The following KCNQ1 variants were observed in gnomAD, a reference collection of about 807,000 sequenced individuals.
KCNQ1 encodes the protein potassium voltage-gated channel subfamily KQT member 1.
Under a neutral mutation model 72.4 loss-of-function variants are expected in KCNQ1, and 49 were observed. That is an observed-to-expected ratio of 0.68 (90% CI 0.54 to 0.86). The LOEUF is 0.86. Among genes scored for constraint, KCNQ1 ranks in the 40% least tolerant of loss-of-function variants. KCNQ1 has a pLI of 0.00. For synonymous variants in KCNQ1, 450 were observed against 412.6 expected (o/e 1.09, Z -1.10); for missense variants, 790 against 945.1 (o/e 0.84, Z 2.15).
chr11:2,728,452 T>C (rs1845801755), intron 11 of KCNQ1, among the ~76,000 whole-genome samples: 1 of 152,258 alleles, frequency 6.6e-6, no homozygotes, highest in Admixed American at 6.5e-5. Flanking sequence ...GGGTTGGTGC[T>C]TGGTGACAAG....
rs986521862 is a variant in KCNQ1 at position 2,451,627 on chromosome 11, G to A, written c.386+6143G>A. On this transcript the variant is annotated intron_variant, in intron 1 of 15. Coordinates refer to ENST00000155840, the MANE Select transcript of KCNQ1 (RefSeq NM_000218.3). This position sits in a 1 kb window ranked among gnomAD's most constrained non-coding sequence, Gnocchi z 6.4. The stretch of plus-strand genomic sequence containing the variant: ...CGGCACCGGACTCTCAGGATGAGCC[G>A]CCTGGAGTCTGTTGGCATCTGCCTG... 1.3e-5 allele frequency among the ~76,000 whole-genome samples: 2 copies of A among 152,158 alleles called. No individual in the cohort carries two copies. Among genetic ancestry groups the A allele is most frequent in the East Asian group, 1.9e-4 (1 of 5,188 alleles).
chr11:2,572,090 T>C lies in KCNQ1; in HGVS notation c.761T>C (p.Val254Ala). ...GGCACCTGGAGGCTCCTGGGCTCCG[T>C]GGTCTTCATCCACCGCCAGGTGGGT... ...QGGTWRLLGS[V>A]VFIHRQELIT... The change falls in exon 5 of 16, where the codon GTG (valine) becomes GCG (alanine). Residue 254 changes from valine to alanine, a missense_variant. Transcript: ENST00000155840. The C allele has an allele frequency of 6.2e-7, 1 of 1,612,476 alleles. No homozygotes were observed. Among genetic ancestry groups the C allele is most frequent in the South Asian group, 1.1e-5 (1 of 91,062 alleles).
At chr11:2,800,798 G>T (rs777451672) in intron 15 of KCNQ1, among the ~76,000 whole-genome samples, 4 of 152,232 alleles carry the variant, frequency 2.6e-5, no homozygotes, top group Admixed American at 2.6e-4. Context: ...AGCAGGTGCT[G>T]TCCACTCAGT....
At chr11:2,532,709 G>A (rs567547975) in intron 2 of KCNQ1, among the ~76,000 whole-genome samples, 41 of 152,298 alleles carry the variant, frequency 2.7e-4, no homozygotes, top group African/African-American at 9.9e-4. Flanking sequence ...ACCCCTCCCA[G>A]GGCTCACAGC....
intron 11 of KCNQ1, chr11:2,685,865 T>G: frequency 2.5e-6 from 1 of 398,748 alleles, no homozygotes; most frequent in Non-Finnish European, 4.4e-6. Context: ...CACCCAGGAC[T>G]CAGACCACAA....
chr11:2,585,369 C>A, intron 8 of KCNQ1, 62 bp downstream of exon 8: 1 of 1,424,300 alleles, frequency 7.0e-7, no homozygotes, highest in Non-Finnish European at 9.9e-7. Context: ...TGCATCCAGC[C>A]CTCACGGCCA....
At chr11:2,675,161 C>T (rs1850270122) in intron 11 of KCNQ1, 1 of 398,606 alleles carries the variant, frequency 2.5e-6, no homozygotes, top group Non-Finnish European at 4.4e-6. Flanking sequence ...AGAGGTAGTG[C>T]TCTAGCGGGG....
Position 2,478,633 on chromosome 11 carries a change from C to T in KCNQ1, c.386+33149C>T, listed in dbSNP as rs552758512. On this transcript the variant is annotated intron_variant, in intron 1 of 15. Transcript: ENST00000155840. This position sits in a 1 kb window ranked among gnomAD's most constrained non-coding sequence, Gnocchi z 4.0. ...CTCCCACGAGGTCCCTCCCATGACA[C>T]GTGGGAATTATGGGAGCTACAATTC... Among the ~76,000 whole-genome samples the T allele has an allele frequency of 2.5e-4, 38 of 152,256 alleles. No homozygotes were observed. Among genetic ancestry groups the T allele is most frequent in the South Asian group, 2.1e-3 (10 of 4,824 alleles).
chr11:2,719,480 AAAACAAAC>A (rs575635118), intron 11 of KCNQ1, among the ~76,000 whole-genome samples: 3 of 151,880 alleles, frequency 2.0e-5, no homozygotes, highest in East Asian at 1.9e-4. Context: ...CAGGCACTCA[AAAACAAAC>A]AAACAAACAA....
intron 10 of KCNQ1, chr11:2,644,881 A>T (rs564092782): frequency 2.5e-6 from 1 of 398,830 alleles, no homozygotes; most frequent in South Asian, 1.3e-4. Flanking sequence ...AGGCTGTGGT[A>T]AAGTCTGGCT....
rs1383626046 is a variant in KCNQ1, at chr11:2,493,919, A to C, written c.387-34009A>C. Reference sequence around the variant, plus strand: ...GATAGCTTGATGGGAATAGCATTGAATCTATAAATTACTTTGGGCAGTATG... The same window carrying C: ...GATAGCTTGATGGGAATAGCATTGACTCTATAAATTACTTTGGGCAGTATG... On this transcript the variant is annotated intron_variant, in intron 1 of 15. Coordinates refer to ENST00000155840, the MANE Select transcript of KCNQ1 (RefSeq NM_000218.3). The surrounding 1 kb of genome is among the most constrained non-coding windows in gnomAD (Gnocchi z 5.3). Among the ~76,000 whole-genome samples, 1 of 152,206 alleles carries C rather than the reference A, an allele frequency of 6.6e-6. No individual in the cohort carries two copies. The highest frequency in any genetic ancestry group is 1.5e-5 in the Non-Finnish European group (1 of 68,038).
intron 11 of KCNQ1, among the ~76,000 whole-genome samples, chr11:2,700,862 C>G (rs1038658950): frequency 6.6e-6 from 1 of 152,130 alleles, no homozygotes; most frequent in South Asian, 2.1e-4. Context: ...CGCGCGCCTT[C>G]TGAATGCCAA....
chr11:2,536,813 T>G lies in KCNQ1; in HGVS notation c.477+8795T>G, dbSNP rs539630536. 5.3e-5 allele frequency among the ~76,000 whole-genome samples: 8 copies of G among 152,042 alleles called. No homozygotes were observed. The highest frequency in any genetic ancestry group is 1.9e-4 in the African/African-American group (8 of 41,384). On this transcript the variant is annotated intron_variant, in intron 2 of 15. Transcript: ENST00000155840. The surrounding 1 kb of genome is among the most constrained non-coding windows in gnomAD (Gnocchi z 7.4). ...ACCGTGGAGGTCGCCCTCTCACAGC[T>G]CTGGACGATGGAGGGCCGAGACCCA...
intron 1 of KCNQ1, among the ~76,000 whole-genome samples, chr11:2,506,077 C>T (rs1219083386): frequency 1.3e-5 from 2 of 152,200 alleles, no homozygotes; most frequent in African/African-American, 2.4e-5. Flanking sequence ...GGGACAGATG[C>T]GCACTCCTAC....
chr11:2,615,060 T>G (rs1010831356), intron 10 of KCNQ1: 2 of 398,236 alleles, frequency 5.0e-6, no homozygotes, highest in Non-Finnish European at 8.9e-6. Context: ...TAAGTCTTCT[T>G]TAATTTTTGT....
intron 11 of KCNQ1, among the ~76,000 whole-genome samples, chr11:2,755,819 A>ATG (rs1428301083): frequency 6.6e-6 from 1 of 152,242 alleles, no homozygotes; most frequent in African/African-American, 2.4e-5. Context: ...GTATTTATAT[A>ATG]TGTGTGTGTA....
At chr11:2,634,864 T>C (rs1392455637) in intron 10 of KCNQ1, 1 of 152,364 alleles carries the variant, frequency 6.6e-6, no homozygotes, top group East Asian at 1.9e-4. Context: ...TTTTTAATGA[T>C]TGCCATTCTA....
In KCNQ1 at chr11:2,687,146, C is replaced by T. The variant is rs889542195; in HGVS notation, c.1514+25065C>T. The T allele has an allele frequency of 1.0e-5, 4 of 398,502 alleles. No homozygotes were observed. Among genetic ancestry groups the T allele is most frequent in the African/African-American group, 8.2e-5 (4 of 48,602 alleles). The allele number at this position is 398,502 out of a possible 1,614,324, so 24.7% of individuals were successfully genotyped here. A position where few individuals can be genotyped will look rare whatever the true frequency, so the allele number is the denominator to read the frequency against. ...GCACAGGGAGGGGAGGAATCTGAGC[C>T]AGCTTCCTCCACAAAGCACAGAAGT... On this transcript the variant is annotated intron_variant, in intron 11 of 15. Transcript: ENST00000155840. This position sits in a 1 kb window ranked among gnomAD's most constrained non-coding sequence, Gnocchi z 5.0.
At chr11:2,630,131 A>T (rs1849329417) in intron 10 of KCNQ1, 3 of 398,186 alleles carry the variant, frequency 7.5e-6, no homozygotes. Context: ...TCATGGAAGG[A>T]TGTTGAATTA....
Sources: allele counts gnomAD v4.1 joint callset (sites outside exome capture counted in the v4.1 genomes callset), GRCh38; gene constraint gnomAD v4.1.1; non-coding constraint Gnocchi (gnomAD v3.1); transcripts MANE v1.5; gene names NCBI Gene and HGNC (gene_info 2026-07-23, HGNC 2026-07-21).